The following GRM7 variants were observed in gnomAD, a reference collection of about 807,000 sequenced individuals.
The protein encoded by GRM7 is glutamate metabotropic receptor 7.
Under a neutral mutation model 84.5 loss-of-function variants are expected in GRM7, and 35 were observed. The observed-to-expected ratio is 0.41, with a 90% CI of 0.32 to 0.55. The LOEUF (loss-of-function observed/expected upper bound fraction) is 0.55, where lower values mean the gene tolerates loss of function less well. Among genes scored for constraint, GRM7 ranks in the 20% least tolerant of loss-of-function variants. The pLI, the probability that GRM7 is intolerant of heterozygous loss-of-function variation, is 0.19. For missense variants in GRM7, 1,003 were observed against 1,194.6 expected (o/e 0.84, Z 2.36); for synonymous variants, 487 against 455.1 (o/e 1.07, Z -0.89).
At chr3:7,570,763 T>G (rs975482906) in intron 7 of GRM7, among the ~76,000 whole-genome samples, 1 of 152,228 alleles carries the variant, frequency 6.6e-6, no homozygotes, top group Non-Finnish European at 1.5e-5. Flanking sequence ...GGGACTCTGT[T>G]TGGGGGCTCT....
intron 1 of GRM7, among the ~76,000 whole-genome samples, chr3:7,115,711 C>G (rs1224425313): frequency 6.6e-6 from 1 of 152,114 alleles, no homozygotes; most frequent in East Asian, 1.9e-4. Flanking sequence ...CCTGCCCTCA[C>G]TAATCATGGA....
intron 7 of GRM7, among the ~76,000 whole-genome samples, chr3:7,497,446 G>C (rs868788027): frequency 6.6e-6 from 1 of 152,092 alleles, no homozygotes; most frequent in African/African-American, 2.4e-5. Flanking sequence ...TTTGATCCTA[G>C]AATTATCTAG....
rs189373990 is a variant in GRM7 at position 6,863,226 on chromosome 3, A to T, written c.519+1319A>T. Among the ~76,000 whole-genome samples, 428 of 150,870 alleles carry T rather than the reference A, an allele frequency of 2.8e-3. 3 individuals are homozygous for T. The highest frequency in any genetic ancestry group is 9.8e-3 in the African/African-American group (402 of 41,022). ...CTTGGTTCATCTCCGTATTAAAATG[A>T]CCCTTTTCCAGTGCATAGCGGCTCT... On this transcript the variant is annotated intron_variant, in intron 1 of 9. Transcript: ENST00000357716. This position sits in a 1 kb window ranked among gnomAD's most constrained non-coding sequence, Gnocchi z 4.8.
At chr3:7,604,994 T>C (rs1054400596) in intron 8 of GRM7, among the ~76,000 whole-genome samples, 3 of 152,204 alleles carry the variant, frequency 2.0e-5, no homozygotes, top group Non-Finnish European at 2.9e-5. Flanking sequence ...AAACAAATAA[T>C]GCAATAAAAT....
chr3:6,896,160 T>C (rs1696174869), intron 1 of GRM7, among the ~76,000 whole-genome samples: 1 of 152,184 alleles, frequency 6.6e-6, no homozygotes, highest in Non-Finnish European at 1.5e-5. Context: ...AGGATGTGAA[T>C]TGGAGCTGTG....
Position 7,421,687 on chromosome 3 carries a change from G to A in GRM7, c.1174+6524G>A, listed in dbSNP as rs572693160. ...TAGTGAAGATGTGAAGGCTACTGCA[G>A]CATGGACTCTTGGTCCTGACCTCAG... On this transcript the variant is annotated intron_variant, in intron 5 of 9. Transcript: ENST00000357716. Among the ~76,000 whole-genome samples the A allele has an allele frequency of 5.3e-5, 8 of 151,960 alleles. No individual in the cohort carries two copies. In the South Asian group the frequency reaches 1.5e-3, roughly 28 times the overall value.
At chr3:7,302,161 T>A (rs1700024746) in intron 3 of GRM7, among the ~76,000 whole-genome samples, 1 of 152,158 alleles carries the variant, frequency 6.6e-6, no homozygotes, top group Non-Finnish European at 1.5e-5. Context: ...AATTAAAGGT[T>A]AAGGAGAATA....
At chr3:7,064,076 T>C (rs1338534844) in intron 1 of GRM7, among the ~76,000 whole-genome samples, 1 of 151,278 alleles carries the variant, frequency 6.6e-6, no homozygotes, top group Non-Finnish European at 1.5e-5. Context: ...CTTTATAATT[T>C]ATTTTATTTT....
At chr3:7,738,604 C>A (rs1004078614) in intron 9 of GRM7, among the ~76,000 whole-genome samples, 1 of 152,020 alleles carries the variant, frequency 6.6e-6, no homozygotes, top group Admixed American at 6.6e-5. Flanking sequence ...TTATAGTAAT[C>A]AATTTAAGGA....
At chr3:7,153,244 C>G (rs1273545312) in intron 2 of GRM7, among the ~76,000 whole-genome samples, 3 of 148,880 alleles carry the variant, frequency 2.0e-5, no homozygotes. Context: ...GTTTATTATC[C>G]CTCATAACTT....
chr3:7,718,744 T>C (rs953876037), intron 9 of GRM7, among the ~76,000 whole-genome samples: 3 of 152,170 alleles, frequency 2.0e-5, no homozygotes, highest in Non-Finnish European at 2.9e-5. Flanking sequence ...GTGGTTGACA[T>C]ATTGGCCTCC....
chr3:7,577,338 A>C (rs905101362), intron 7 of GRM7, among the ~76,000 whole-genome samples: 9 of 152,206 alleles, frequency 5.9e-5, no homozygotes, highest in African/African-American at 2.2e-4. Context: ...TAACAAGTCC[A>C]TATGATGGTG....
intron 8 of GRM7, among the ~76,000 whole-genome samples, chr3:7,581,771 A>G (rs568461200): frequency 6.6e-5 from 10 of 152,330 alleles, no homozygotes; most frequent in African/African-American, 2.2e-4. Flanking sequence ...AAGAAATTGA[A>G]TTTATATTGA....
chr3:7,272,881 C>A (rs1344900195), intron 2 of GRM7, among the ~76,000 whole-genome samples: 1 of 151,812 alleles, frequency 6.6e-6, no homozygotes, highest in Middle Eastern at 3.4e-3. Context: ...TTTTTCTCTT[C>A]TATGTACTTT....
At chr3:7,371,568 AATACTG>A (rs1694135725) in intron 4 of GRM7, among the ~76,000 whole-genome samples, 2 of 152,202 alleles carry the variant, frequency 1.3e-5, no homozygotes, top group African/African-American at 4.8e-5. Flanking sequence ...TGCTAGGGCC[AATACTG>A]AGTGCTTTCT....
chr3:7,049,505 G>A (rs956879741), intron 1 of GRM7, among the ~76,000 whole-genome samples: 6 of 151,832 alleles, frequency 4.0e-5, no homozygotes, highest in African/African-American at 1.4e-4. Flanking sequence ...CTTGACACAT[G>A]GAGATTATTA....
intron 2 of GRM7, among the ~76,000 whole-genome samples, chr3:7,223,474 C>A (rs1038276452): frequency 2.6e-5 from 4 of 151,904 alleles, no homozygotes; most frequent in African/African-American, 9.6e-5. Flanking sequence ...TGGAAATCAC[C>A]AGGCATAATT....
chr3:7,369,237 A>G (rs77143104), intron 4 of GRM7, among the ~76,000 whole-genome samples: 5,802 of 152,126 alleles, frequency 0.038, 352 homozygotes, highest in African/African-American at 0.13. Flanking sequence ...AATTTTTCAT[A>G]CAGACACGAT....
chr3:7,730,097 T>C (rs556760078), intron 9 of GRM7, among the ~76,000 whole-genome samples: 4 of 149,234 alleles, frequency 2.7e-5, no homozygotes, highest in African/African-American at 1.0e-4. Flanking sequence ...CTGGTTTCGA[T>C]CTGTTGACCT....
Sources: gnomAD v4.1 joint callset for allele counts (sites outside exome capture counted in the v4.1 genomes callset) on GRCh38, gnomAD v4.1.1 for gene constraint, Gnocchi (gnomAD v3.1) non-coding constraint, MANE v1.5 for transcripts, NCBI Gene and HGNC (gene_info 2026-07-23, HGNC 2026-07-21) for gene names.